ADCYAP1R1: variants seen among roughly 807,000 people sequenced by gnomAD.
ADCYAP1R1 encodes ADCYAP receptor type I, also known as pituitary adenylate cyclase-activating polypeptide type I receptor.
Under a neutral mutation model 67.6 loss-of-function variants are expected in ADCYAP1R1, and 44 were observed. The observed-to-expected ratio is 0.65, with a 90% CI of 0.51 to 0.84. ADCYAP1R1 has a LOEUF of 0.84. ADCYAP1R1 is among the 40% of genes least tolerant of loss of function. The pLI is 0.00. For missense variants in ADCYAP1R1, 477 were observed against 587.9 expected (o/e 0.81, Z 1.95); for synonymous variants, 222 against 219.6 (o/e 1.01, Z -0.10).
chr7:31,094,436 C>G (rs1408938801), intron 13 of ADCYAP1R1, among the ~76,000 whole-genome samples: 1 of 152,096 alleles, frequency 6.6e-6, no homozygotes, highest in Non-Finnish European at 1.5e-5. Flanking sequence ...GATCAGGTCA[C>G]ACACTAATAG....
chr7:31,097,504 TC>T (rs1796245785), intron 13 of ADCYAP1R1, among the ~76,000 whole-genome samples: 2 of 152,282 alleles, frequency 1.3e-5, no homozygotes, highest in African/African-American at 4.8e-5. Flanking sequence ...TAGACCCATC[TC>T]CTTCAAGAGC....
intron 12 of ADCYAP1R1, among the ~76,000 whole-genome samples, chr7:31,089,887 T>G (rs1255765618): frequency 6.6e-6 from 1 of 152,214 alleles, no homozygotes; most frequent in African/African-American, 2.4e-5. Context: ...ATTGCTAAAT[T>G]TTGTTTTTTA....
chr7:31,098,769 C>T (rs904844749), intron 13 of ADCYAP1R1, among the ~76,000 whole-genome samples: 7 of 149,328 alleles, frequency 4.7e-5, no homozygotes, highest in Admixed American at 2.0e-4. Flanking sequence ...CTGGCCTCAG[C>T]GAAATGACAT....
At chr7:31,097,656 T>TA (rs3216473) in intron 13 of ADCYAP1R1, among the ~76,000 whole-genome samples, 16 of 151,966 alleles carry the variant, frequency 1.1e-4, no homozygotes, top group East Asian at 3.9e-4. Flanking sequence ...AAAAAATCCT[T>TA]AAAAAAAATC....
Position 31,052,649 on chromosome 7 carries a change from G to T in ADCYAP1R1, c.-101G>T, listed in dbSNP as rs1456821600. On this transcript the variant is annotated 5_prime_UTR_variant, in exon 1 of 16. Coordinates refer to ENST00000304166, the MANE Select transcript of ADCYAP1R1 (RefSeq NM_001118.5). ...GCGCGTCCTTTGCGGAGTCTGCCCCGGCCCCACGGACAGGCCCCGCAGTGA... is the reference window on the plus strand; with the variant it reads ...GCGCGTCCTTTGCGGAGTCTGCCCCTGCCCCACGGACAGGCCCCGCAGTGA... 1 of 151,880 alleles carries T rather than the reference G, an allele frequency of 6.6e-6. No homozygotes were observed. The highest frequency in any genetic ancestry group is 2.4e-5 in the African/African-American group (1 of 41,338). 9.4% of individuals were successfully genotyped at this position (151,880 alleles called of 1,614,324 possible).
chr7:31,078,491 A>G (rs1203241619), intron 4 of ADCYAP1R1, among the ~76,000 whole-genome samples: 3 of 152,206 alleles, frequency 2.0e-5, no homozygotes, highest in Non-Finnish European at 4.4e-5. Flanking sequence ...TGCAGTAGTA[A>G]ATGTTAGCTG....
intron 4 of ADCYAP1R1, among the ~76,000 whole-genome samples, chr7:31,078,819 C>T (rs1490149862): frequency 6.6e-6 from 1 of 152,212 alleles, no homozygotes; most frequent in African/African-American, 2.4e-5. Flanking sequence ...GGGAGCAGTG[C>T]CACAGTGCTG....
At chr7:31,069,070 TG>T (rs60073569) in intron 3 of ADCYAP1R1, among the ~76,000 whole-genome samples, 8 of 152,144 alleles carry the variant, frequency 5.3e-5, no homozygotes, top group Middle Eastern at 3.4e-3. Context: ...GCATTTGGGT[TG>T]GGGGGGTCCA....
At position 31,100,092 on chromosome 7, in the gene ADCYAP1R1, C is replaced by G. The variant is rs759050434; in HGVS notation, c.1047-3145C>G. ...GAGTTTCTTCACTGCCTGGTGCCCCCCAGCTGACAGAAGTGCTAATCTTGT... is the reference window on the plus strand; with the variant it reads ...GAGTTTCTTCACTGCCTGGTGCCCCGCAGCTGACAGAAGTGCTAATCTTGT... On this transcript the variant is annotated intron_variant, in intron 13 of 15. Coordinates refer to ENST00000304166, the MANE Select transcript of ADCYAP1R1 (RefSeq NM_001118.5). The G allele has an allele frequency of 3.9e-5, 60 of 1,544,428 alleles. 1 individual carries two copies. The South Asian group carries it at 5.6e-4, about 14-fold the overall frequency.
At position 31,058,571 on chromosome 7, in the gene ADCYAP1R1, T is replaced by G. The variant is rs905492688; in HGVS notation, c.-71-4623T>G. Among the ~76,000 whole-genome samples the G allele has an allele frequency of 1.2e-4, 19 of 152,336 alleles. 1 individual carries two copies. Among genetic ancestry groups the G allele is most frequent in the Admixed American group, 5.9e-4 (9 of 15,306 alleles). ...GTGTGACCTTGGAAAGTGTGTCGCC[T>G]TCTCTGGCCTCAGTTTCCCTATCTG... is the stretch of plus-strand genomic sequence containing the variant. On this transcript the variant is annotated intron_variant, in intron 1 of 15. Transcript: ENST00000304166.
intron 3 of ADCYAP1R1, among the ~76,000 whole-genome samples, chr7:31,075,652 T>A (rs893748171): frequency 2.0e-5 from 3 of 151,988 alleles, no homozygotes; most frequent in Admixed American, 6.6e-5. Context: ...GAAGGAAAAG[T>A]GAGTGGCAGG....
intron 11 of ADCYAP1R1, among the ~76,000 whole-genome samples, chr7:31,087,293 G>A (rs1174075646): frequency 2.0e-5 from 3 of 152,240 alleles, no homozygotes. Context: ...GATGAAGCAT[G>A]TTGAGGGGGA....
At chr7:31,092,517 C>G in intron 12 of ADCYAP1R1, 127 bp from the exon 13 acceptor site, 4 of 694,350 alleles carry the variant, frequency 5.8e-6, no homozygotes, top group Non-Finnish European at 1.0e-5. Context: ...TGGGAATTAT[C>G]ACACCGCCAT....
At chr7:31,077,010 G>A (rs945524696) in intron 3 of ADCYAP1R1, among the ~76,000 whole-genome samples, 7 of 152,106 alleles carry the variant, frequency 4.6e-5, no homozygotes, top group East Asian at 1.9e-4. Flanking sequence ...GCGGGTCTTC[G>A]GGGGTGTGGG....
intron 1 of ADCYAP1R1, among the ~76,000 whole-genome samples, chr7:31,059,622 G>T (rs1408793869): frequency 6.6e-6 from 1 of 152,190 alleles, no homozygotes; most frequent in Non-Finnish European, 1.5e-5. Context: ...TCTGGAGGAG[G>T]AGGAGCCACT....
At chr7:31,077,701 T>C (rs1374150775) in intron 3 of ADCYAP1R1, among the ~76,000 whole-genome samples, 1 of 148,244 alleles carries the variant, frequency 6.7e-6, no homozygotes, top group Admixed American at 6.7e-5. Context: ...GTGTGGTGTG[T>C]GTGATGTGTG....
intron 13 of ADCYAP1R1, among the ~76,000 whole-genome samples, chr7:31,097,594 G>A (rs1243743720): frequency 6.6e-6 from 1 of 152,168 alleles, no homozygotes; most frequent in Non-Finnish European, 1.5e-5. Flanking sequence ...AACTTTACCA[G>A]GTGCAGGGTT....
intron 3 of ADCYAP1R1, among the ~76,000 whole-genome samples, chr7:31,075,638 G>A (rs1255643468): frequency 6.6e-6 from 1 of 152,130 alleles, no homozygotes; most frequent in African/African-American, 2.4e-5. Flanking sequence ...CTACCCACAG[G>A]CTGGAAGGAA....
intron 4 of ADCYAP1R1, among the ~76,000 whole-genome samples, chr7:31,080,077 T>A (rs1447061409): frequency 6.6e-6 from 1 of 152,260 alleles, no homozygotes; most frequent in Non-Finnish European, 1.5e-5. Context: ...AGACTCCGTC[T>A]TCTCAACAAC....
Sources: gnomAD v4.1 joint callset for allele counts (sites outside exome capture counted in the v4.1 genomes callset) on GRCh38, gnomAD v4.1.1 for gene constraint, MANE v1.5 for transcripts, NCBI Gene and HGNC (gene_info 2026-07-23, HGNC 2026-07-21) for gene names.